UGT1A10: variants seen among roughly 807,000 people sequenced by gnomAD.
The protein encoded by UGT1A10 is UDP glucuronosyltransferase family 1 member A10.
A neutral mutation model predicts 45.8 loss-of-function variants in UGT1A10; 49 were observed. The ratio of observed to expected loss-of-function variants is 1.07; its 90% CI spans 0.85 to 1.36. UGT1A10 has a LOEUF of 1.36. Among genes scored for constraint, UGT1A10 ranks in the 40% most tolerant of loss-of-function variants. The pLI is 0.00. For missense variants in UGT1A10, 745 were observed against 668.6 expected (o/e 1.11, Z -1.26); for synonymous variants, 284 against 249.7 (o/e 1.14, Z -1.29).
At chr2:233,723,454 C>T (rs1160822962) in intron 1 of UGT1A10, among the ~76,000 whole-genome samples, 1 of 139,308 alleles carries the variant, frequency 7.2e-6, no homozygotes, top group African/African-American at 2.8e-5. Context: ...AGGTGATCCA[C>T]CCGCCTCAGC....
chr2:233,647,894 G>A (rs1339689838), intron 1 of UGT1A10: 17 of 1,541,388 alleles, frequency 1.1e-5, no homozygotes, highest in Non-Finnish European at 1.5e-5. Flanking sequence ...TTTCTACACT[G>A]AAGTTAGCCT....
chr2:233,693,943 C>T (rs933139976), intron 1 of UGT1A10: 30 of 1,600,976 alleles, frequency 1.9e-5, no homozygotes, highest in Non-Finnish European at 2.4e-5. Context: ...CTCCTTGAGC[C>T]GACTGTCCCT....
chr2:233,738,373 AC>A (rs1456514081), intron 1 of UGT1A10, among the ~76,000 whole-genome samples: 3 of 152,222 alleles, frequency 2.0e-5, no homozygotes, highest in Non-Finnish European at 4.4e-5. Context: ...CTATAAAACT[AC>A]TTGAAAATGT....
intron 1 of UGT1A10, among the ~76,000 whole-genome samples, chr2:233,745,757 G>C (rs1464205566): frequency 6.7e-6 from 1 of 150,374 alleles, no homozygotes; most frequent in Non-Finnish European, 1.5e-5. Context: ...AGCAGAAGGG[G>C]TGGAGAGGAG....
intron 1 of UGT1A10, among the ~76,000 whole-genome samples, chr2:233,734,500 T>C (rs1353975752): frequency 6.6e-6 from 1 of 152,210 alleles, no homozygotes; most frequent in Non-Finnish European, 1.5e-5. Context: ...GGTTTTTTTG[T>C]GTCTCTATCT....
intron 1 of UGT1A10, among the ~76,000 whole-genome samples, chr2:233,676,898 G>A (rs1367160670): frequency 2.0e-5 from 3 of 152,076 alleles, no homozygotes; most frequent in South Asian, 2.1e-4. Context: ...ATCTGTGCAC[G>A]TATTTCTAGA....
intron 1 of UGT1A10, chr2:233,753,392 A>T (rs1289674788): frequency 6.6e-6 from 1 of 152,232 alleles, no homozygotes; most frequent in Non-Finnish European, 1.5e-5. Flanking sequence ...CTCTGAGGGT[A>T]CTAGAGCATA....
intron 1 of UGT1A10, among the ~76,000 whole-genome samples, chr2:233,645,723 A>G (rs2073583582): frequency 1.3e-5 from 2 of 152,204 alleles, no homozygotes; most frequent in Non-Finnish European, 2.9e-5. Context: ...GGTCTTAGGC[A>G]GCTCCACCCC....
At chr2:233,748,399 G>C (rs1575689614) in intron 1 of UGT1A10, among the ~76,000 whole-genome samples, 1 of 151,790 alleles carries the variant, frequency 6.6e-6, no homozygotes, top group African/African-American at 2.4e-5. Flanking sequence ...AAGGAGCAGG[G>C]ACACTACATT....
At chr2:233,766,993 T>C in intron 1 of UGT1A10, 41 bp from the exon 2 acceptor site, 1 of 1,613,496 alleles carries the variant, frequency 6.2e-7, no homozygotes, top group South Asian at 1.1e-5. Context: ...CATCAAAGAA[T>C]ATGAGAAAAA....
intron 1 of UGT1A10, among the ~76,000 whole-genome samples, chr2:233,675,295 C>G (rs1028669928): frequency 1.3e-5 from 2 of 152,086 alleles, no homozygotes; most frequent in Non-Finnish European, 2.9e-5. Flanking sequence ...TACATTCCAG[C>G]GTTCTAATGT....
intron 1 of UGT1A10, among the ~76,000 whole-genome samples, chr2:233,664,141 C>G (rs2074030238): frequency 6.6e-6 from 1 of 152,142 alleles, no homozygotes. Flanking sequence ...TGCTCAAGTT[C>G]CAAATAACTT....
rs377653425 is a variant in UGT1A10 at position 233,637,386 on chromosome 2, C to T, written c.855+9C>T. 21 of 1,609,672 alleles carry T rather than the reference C, an allele frequency of 1.3e-5. No homozygotes were observed. The highest frequency in any genetic ancestry group is 1.7e-5 in the Non-Finnish European group (20 of 1,177,168). ...GAAAGCCATTGCCTATGGTAAGTCACCTCTCCTTTAGCACATTAAGAATAA... is the reference window on the plus strand; with the variant it reads ...GAAAGCCATTGCCTATGGTAAGTCATCTCTCCTTTAGCACATTAAGAATAA... On this transcript the variant is annotated intron_variant, in intron 1 of 4. Transcript: ENST00000344644.
In UGT1A10 at chr2:233,760,993, G is replaced by C. The variant is rs367668492; in HGVS notation, c.856-6041G>C. ...TTCCCCGTATGCAACCCTTGCCTCA[G>C]AATTCCTTCAGAGAGAGGTGACTGT... On this transcript the variant is annotated intron_variant, in intron 1 of 4. Coordinates refer to ENST00000344644, the MANE Select transcript of UGT1A10 (RefSeq NM_019075.4). The C allele has an allele frequency of 4.5e-5, 73 of 1,614,036 alleles. No homozygotes were observed. Among genetic ancestry groups the C allele is most frequent in the South Asian group, 2.0e-4 (18 of 91,074 alleles).
intron 1 of UGT1A10, among the ~76,000 whole-genome samples, chr2:233,660,557 A>C (rs1305878928): frequency 6.6e-6 from 1 of 152,214 alleles, no homozygotes; most frequent in Non-Finnish European, 1.5e-5. Flanking sequence ...TTCTACAACA[A>C]AAAGACTGGG....
At chr2:233,696,598 T>C (rs562696652) in intron 1 of UGT1A10, among the ~76,000 whole-genome samples, 1 of 140,456 alleles carries the variant, frequency 7.1e-6, no homozygotes, top group East Asian at 2.0e-4. Flanking sequence ...CTTTCCAACT[T>C]GGATGCCCTT....
At position 233,772,686 on chromosome 2, in the gene UGT1A10, C is replaced by T. The variant is rs1700541749; in HGVS notation, c.*127C>T. The T allele has an allele frequency of 2.0e-6, 3 of 1,495,122 alleles. No individual in the cohort carries two copies. The highest frequency in any genetic ancestry group is 2.4e-5 in the Admixed American group (1 of 41,056). 92.6% of individuals were successfully genotyped at this position (1,495,122 alleles called of 1,614,324 possible). A position where few individuals can be genotyped will look rare whatever the true frequency, so the allele number is the denominator to read the frequency against. On this transcript the variant is annotated 3_prime_UTR_variant, in exon 5 of 5. Coordinates refer to ENST00000344644, the MANE Select transcript of UGT1A10 (RefSeq NM_019075.4). ...ATACTTTGCATAAATTAATCAGCCCCAGAGTGCTTTAAAAAATTCTCTTAA... is the reference window on the plus strand; with the variant it reads ...ATACTTTGCATAAATTAATCAGCCCTAGAGTGCTTTAAAAAATTCTCTTAA...
chr2:233,754,525 G>T (rs1133497), intron 1 of UGT1A10: 18 of 367,412 alleles, frequency 4.9e-5, no homozygotes, highest in East Asian at 2.2e-4. Flanking sequence ...GTGCTTAAAG[G>T]CAAATGTGGA....
chr2:233,685,003 T>TTG (rs772799143), intron 1 of UGT1A10, among the ~76,000 whole-genome samples: 9 of 152,162 alleles, frequency 5.9e-5, no homozygotes, highest in South Asian at 2.1e-4. Context: ...TATGTGGTGT[T>TTG]TGTGCACGTA....
Sources: allele counts gnomAD v4.1 joint callset (sites outside exome capture counted in the v4.1 genomes callset), GRCh38; gene constraint gnomAD v4.1.1; transcripts MANE v1.5; gene names NCBI Gene and HGNC (gene_info 2026-07-23, HGNC 2026-07-21).